Variants in ZNF136 observed in about 807,000 individuals in gnomAD.
ZNF136 encodes the protein zinc finger protein 136.
In ZNF136, 8 loss-of-function variants were observed where a neutral mutation model predicts 11.4. The ratio of observed to expected loss-of-function variants is 0.70; its 90% confidence interval spans 0.41 to 1.27. The LOEUF is 1.27. Among genes scored for constraint, ZNF136 ranks in the 50% most tolerant of loss-of-function variants. ZNF136 has a pLI of 0.01. For synonymous variants in ZNF136, 190 were observed against 207.1 expected (o/e 0.92, Z 0.71); for missense variants, 590 against 656.5 (o/e 0.90, Z 1.11).
intron 1 of ZNF136, among the ~76,000 whole-genome samples, chr19:12,178,846 G>A (rs917143840): frequency 2.0e-5 from 3 of 151,826 alleles, no homozygotes; most frequent in African/African-American, 7.3e-5. Context: ...AAAATTAGCC[G>A]GGCGTGGTGG....
In ZNF136 at chr19:12,185,904, C is replaced by T. The variant is rs1235279557; in HGVS notation, c.123C>T (p.Ala41=). The T allele has an allele frequency of 2.5e-6, 4 of 1,613,340 alleles. No homozygotes were observed. In the African/African-American group the frequency reaches 5.3e-5, roughly 22 times the overall value. ...DVMWETMRNL[A]SIGKKWKDQN... ...TGTGGGAAACCATGAGGAATCTGGC[C>T]TCTATAGGTAAGGATTGTATACTTC... is the stretch of plus-strand genomic sequence containing the variant. Residue 41 remains alanine (A), a synonymous_variant, in exon 2 of 4, where the codon GCC becomes GCT. Coordinates refer to ENST00000343979, the MANE Select transcript of ZNF136 (RefSeq NM_003437.5).
intron 1 of ZNF136, among the ~76,000 whole-genome samples, chr19:12,181,223 G>A (rs1454324527): frequency 6.6e-6 from 1 of 152,186 alleles, no homozygotes; most frequent in Non-Finnish European, 1.5e-5. Context: ...GTGTGCAGGG[G>A]CCTGGGGTCC....
At chr19:12,164,439 CTTTTTTTTTTTTT>C (rs61233117) in intron 1 of ZNF136, among the ~76,000 whole-genome samples, 1 of 122,854 alleles carries the variant, frequency 8.1e-6, no homozygotes, top group African/African-American at 3.2e-5. Context: ...TCCCAGATAA[CTTTTTTTTTTTTT>C]TTTTTTTTTT....
intron 1 of ZNF136, among the ~76,000 whole-genome samples, chr19:12,167,469 T>C (rs1355440076): frequency 2.0e-5 from 3 of 152,226 alleles, no homozygotes; most frequent in Non-Finnish European, 4.4e-5. Context: ...CTCACGCTTG[T>C]AAGCCCATCA....
intron 1 of ZNF136, chr19:12,185,514 T>C (rs1915057412): frequency 1.3e-5 from 4 of 302,760 alleles, no homozygotes; most frequent in South Asian, 5.7e-5. Flanking sequence ...ACAGGTCCAC[T>C]GTATGAGCAG....
At chr19:12,165,076 A>T (rs1977166926) in intron 1 of ZNF136, among the ~76,000 whole-genome samples, 1 of 152,160 alleles carries the variant, frequency 6.6e-6, no homozygotes, top group South Asian at 2.1e-4. Flanking sequence ...TCTACTTTTT[A>T]GGTCGACAAG....
intron 1 of ZNF136, among the ~76,000 whole-genome samples, chr19:12,183,548 AATCTATCTATCTATCTATCT>A (rs57826139): frequency 7.4e-4 from 108 of 145,530 alleles, no homozygotes; most frequent in Admixed American, 1.1e-3. Flanking sequence ...CACATAACTG[AATCTATCTATCTATCTATCT>A]ATCTATCTAT....
intron 1 of ZNF136, among the ~76,000 whole-genome samples, chr19:12,180,162 G>A (rs982105033): frequency 1.3e-5 from 2 of 152,072 alleles, no homozygotes; most frequent in African/African-American, 2.4e-5. Flanking sequence ...CACCGCCCCC[G>A]GCCAACTACT....
chr19:12,168,116 A>G (rs1914532186), intron 1 of ZNF136, among the ~76,000 whole-genome samples: 1 of 115,524 alleles, frequency 8.7e-6, no homozygotes, highest in Non-Finnish European at 1.6e-5. Context: ...CTCATTGCCC[A>G]AGCTGGAGTG....
At chr19:12,164,246 G>C (rs1977153143) in intron 1 of ZNF136, among the ~76,000 whole-genome samples, 1 of 152,126 alleles carries the variant, frequency 6.6e-6, no homozygotes, top group Non-Finnish European at 1.5e-5. Flanking sequence ...CAGCCAATCA[G>C]ATGCTGGTAT....
chr19:12,188,110 G>A lies in ZNF136; in HGVS notation c.*109G>A, dbSNP rs1915166662. ...TCTGTCAGTGCCTTTTTTAATACAT[G>A]AAAGAATTCTAGAGAGAAGCCATAT... is the stretch of plus-strand genomic sequence containing the variant. On this transcript the variant is annotated 3_prime_UTR_variant, in exon 4 of 4. Coordinates refer to ENST00000343979, the MANE Select transcript of ZNF136 (RefSeq NM_003437.5). 1.1e-6 allele frequency: 1 copy of A among 934,060 alleles called. No individual in the cohort carries two copies. The highest frequency in any genetic ancestry group is 1.7e-5 in the African/African-American group (1 of 60,530). 57.9% of individuals were successfully genotyped at this position (934,060 alleles called of 1,614,324 possible).
rs8110720 is a variant in ZNF136 at position 12,181,334 on chromosome 19, C to T, written c.4-4451C>T. Among the ~76,000 whole-genome samples, 195 of 152,294 alleles carry T rather than the reference C, an allele frequency of 1.3e-3. 3 individuals carry two copies. In the Middle Eastern group the frequency reaches 0.027, roughly 21 times the overall value. ...GGAAGCAGGGTATCAAATCCACCCC[C>T]GGCCTAACTCTCCTTGATCTGGCAG... is the stretch of plus-strand genomic sequence containing the variant. On this transcript the variant is annotated intron_variant, in intron 1 of 3. Transcript: ENST00000343979.
chr19:12,174,318 A>T (rs1914732470), intron 1 of ZNF136, among the ~76,000 whole-genome samples: 1 of 152,078 alleles, frequency 6.6e-6, no homozygotes, highest in African/African-American at 2.4e-5. Context: ...CACTTAGATG[A>T]TATGCAGAGG....
chr19:12,181,075 T>C (rs144697675), intron 1 of ZNF136, among the ~76,000 whole-genome samples: 1 of 152,336 alleles, frequency 6.6e-6, no homozygotes, highest in Non-Finnish European at 1.5e-5. Flanking sequence ...AATTTTCTTT[T>C]CTTGAGCTGG....
chr19:12,167,979 C>T (rs1227996956), intron 1 of ZNF136, among the ~76,000 whole-genome samples: 1 of 151,344 alleles, frequency 6.6e-6, no homozygotes, highest in Non-Finnish European at 1.5e-5. Context: ...GATACCTTTT[C>T]CATTACTTCA....
chr19:12,168,681 CT>C (rs370521601), intron 1 of ZNF136, among the ~76,000 whole-genome samples: 289 of 145,268 alleles, frequency 2.0e-3, no homozygotes, highest in South Asian at 3.5e-3. Context: ...TTGGGTCATC[CT>C]TTTTTTTTTT....
chr19:12,175,196 A>AT (rs111509960), intron 1 of ZNF136, among the ~76,000 whole-genome samples: 26,581 of 142,752 alleles, frequency 0.19, 2,844 homozygotes, highest in African/African-American at 0.31. Flanking sequence ...TTTTCTTTCG[A>AT]TTTTTTTTTT....
intron 1 of ZNF136, among the ~76,000 whole-genome samples, chr19:12,168,051 CTTTTTCTTTTT>C (rs1914526218): frequency 1.6e-5 from 1 of 61,676 alleles, no homozygotes; most frequent in African/African-American, 5.7e-5. Context: ...TTTTTCTTTT[CTTTTTCTTTTT>C]TTTTTTTTTT....
At chr19:12,186,491 T>C in intron 3 of ZNF136, 79 bp from the exon 4 acceptor site, 1 of 1,205,344 alleles carries the variant, frequency 8.3e-7, no homozygotes, top group Non-Finnish European at 1.1e-6. Context: ...TACCTGATAA[T>C]ATTGAAAATG....
Sources: gnomAD v4.1 joint callset for allele counts (sites outside exome capture counted in the v4.1 genomes callset) on GRCh38, gnomAD v4.1.1 for gene constraint, MANE v1.5 for transcripts, NCBI Gene and HGNC (gene_info 2026-07-23, HGNC 2026-07-21) for gene names.